DIP2C: variants seen among roughly 807,000 people sequenced by gnomAD.
The protein encoded by DIP2C is disco-interacting protein 2 homolog C.
A neutral mutation model predicts 192.4 loss-of-function variants in DIP2C; 33 were observed. The observed-to-expected ratio is 0.17, with a 90% confidence interval of 0.13 to 0.23. The LOEUF is 0.23. Ranked by LOEUF, DIP2C falls within the 10% of genes least tolerant of loss-of-function variation. DIP2C has a pLI of 1.00. For missense variants in DIP2C, 1,537 were observed against 2,110.1 expected (o/e 0.73, Z 5.32); for synonymous variants, 979 against 864.1 (o/e 1.13, Z -2.33).
intron 36 of DIP2C, among the ~76,000 whole-genome samples, chr10:280,795 CCTT>C (rs1309920495): frequency 1.3e-5 from 2 of 152,306 alleles, no homozygotes; most frequent in East Asian, 1.9e-4. Context: ...CGCTGCCTCT[CCTT>C]CTCACTGAAG....
Position 378,043 on chromosome 10 carries a change from G to A in DIP2C, c.1991+4604C>T, listed in dbSNP as rs117553704. Reference sequence around the variant, plus strand: ...GAGTCAGATGGCAGGAGATTTAGGGGATACTTGTAGCCAGGAAACAGTTTC... The same window carrying A: ...GAGTCAGATGGCAGGAGATTTAGGGAATACTTGTAGCCAGGAAACAGTTTC... On this transcript the variant is annotated intron_variant, in intron 17 of 36. Coordinates refer to ENST00000280886, the MANE Select transcript of DIP2C (RefSeq NM_014974.3). Among the ~76,000 whole-genome samples the A allele has an allele frequency of 6.0e-4, 92 of 152,204 alleles. No homozygotes were observed. The East Asian group carries it at 0.013, about 22-fold the overall frequency.
At chr10:527,472 TGTG>T (rs1847117944) in intron 1 of DIP2C, among the ~76,000 whole-genome samples, 1 of 152,342 alleles carries the variant, frequency 6.6e-6, no homozygotes, top group South Asian at 2.1e-4. Flanking sequence ...AGCAAAAAGA[TGTG>T]GTGTTTATTC....
intron 23 of DIP2C, 145 bp downstream of exon 23, chr10:357,683 G>GGGAC (rs1959150261): frequency 3.4e-6 from 2 of 590,878 alleles, no homozygotes; most frequent in Non-Finnish European, 5.9e-6. Context: ...GGGACTGTCG[G>GGGAC]GGACGGTTGC....
intron 1 of DIP2C, among the ~76,000 whole-genome samples, chr10:539,340 CAG>C (rs1312144384): frequency 6.6e-6 from 1 of 152,176 alleles, no homozygotes; most frequent in East Asian, 1.9e-4. Flanking sequence ...ACTAAGCATT[CAG>C]ACTTTATTAT....
At chr10:678,214 C>T (rs188614949) in intron 1 of DIP2C, among the ~76,000 whole-genome samples, 55 of 152,226 alleles carry the variant, frequency 3.6e-4, no homozygotes, top group Middle Eastern at 3.4e-3. Context: ...CCCAGATACA[C>T]CAGACTCAAA....
intron 1 of DIP2C, among the ~76,000 whole-genome samples, chr10:513,268 A>G (rs1026736064): frequency 6.6e-6 from 1 of 152,244 alleles, no homozygotes; most frequent in Non-Finnish European, 1.5e-5. Flanking sequence ...AAGCTACTAA[A>G]TTAATGACTT....
chr10:491,158 G>A (rs1472113904), intron 1 of DIP2C, among the ~76,000 whole-genome samples: 5 of 152,198 alleles, frequency 3.3e-5, no homozygotes, highest in African/African-American at 7.2e-5. Flanking sequence ...TGCTGTGAAC[G>A]TCAGGCTCAA....
At chr10:301,410 G>A (rs1324339902) in intron 32 of DIP2C, among the ~76,000 whole-genome samples, 1 of 152,200 alleles carries the variant, frequency 6.6e-6, no homozygotes, top group Non-Finnish European at 1.5e-5. Context: ...TCTGGGGAAG[G>A]TGGAGGGGGT....
Position 578,120 on chromosome 10 carries a change from G to A in DIP2C, c.86-91590C>T, listed in dbSNP as rs115992053. ...AAGTCCTTATTTTCCCTGTTTACTCGAAAGCTCTCTATTCTTCTTTTATCC... is the reference window on the plus strand; with the variant it reads ...AAGTCCTTATTTTCCCTGTTTACTCAAAAGCTCTCTATTCTTCTTTTATCC... On this transcript the variant is annotated intron_variant, in intron 1 of 36. Transcript: ENST00000280886. 2.4e-3 allele frequency among the ~76,000 whole-genome samples: 371 copies of A among 152,210 alleles called. 4 individuals are homozygous for A. The highest frequency in any genetic ancestry group is 8.3e-3 in the African/African-American group (345 of 41,528).
intron 4 of DIP2C, among the ~76,000 whole-genome samples, chr10:423,370 G>A (rs114431116): frequency 2.2e-3 from 337 of 152,338 alleles, no homozygotes; most frequent in African/African-American, 6.1e-3. Flanking sequence ...AACAAGGGCC[G>A]CGTTTCCTAG....
At chr10:609,105 T>A (rs1852885032) in intron 1 of DIP2C, among the ~76,000 whole-genome samples, 1 of 152,272 alleles carries the variant, frequency 6.6e-6, no homozygotes, top group South Asian at 2.1e-4. Context: ...TTGGTTTTTA[T>A]GACTCGCAGT....
rs555477932 is a variant in DIP2C, at chr10:351,378, G to T, written c.2986-1924C>A. The stretch of plus-strand genomic sequence containing the variant: ...AACGTCCACAAGACAGCCGATGAGC[G>T]CAGCGAGGTCTGTGGGGAAAGTATA... On this transcript the variant is annotated intron_variant, in intron 24 of 36. Transcript: ENST00000280886. Among the ~76,000 whole-genome samples the T allele has an allele frequency of 2.6e-5, 4 of 152,304 alleles. No individual in the cohort carries two copies. The South Asian group carries it at 8.3e-4, about 32-fold the overall frequency.
At chr10:484,821 G>C in intron 2 of DIP2C, 1 of 1,611,370 alleles carries the variant, frequency 6.2e-7, no homozygotes, top group South Asian at 1.1e-5. Flanking sequence ...CTGCGGTGCT[G>C]GCCACCCGCT....
intron 1 of DIP2C, among the ~76,000 whole-genome samples, chr10:603,852 A>C (rs1229899072): frequency 3.9e-5 from 6 of 152,162 alleles, no homozygotes; most frequent in Non-Finnish European, 4.4e-5. Context: ...GGAGTCTCCC[A>C]AATCAGAGGC....
chr10:382,073 T>C (rs1332903011), intron 17 of DIP2C, among the ~76,000 whole-genome samples: 1 of 152,196 alleles, frequency 6.6e-6, no homozygotes, highest in Non-Finnish European at 1.5e-5. Flanking sequence ...TGTGTGCGTA[T>C]CACACAGGAA....
At chr10:568,503 C>G (rs895496060) in intron 1 of DIP2C, among the ~76,000 whole-genome samples, 5 of 152,052 alleles carry the variant, frequency 3.3e-5, no homozygotes, top group Non-Finnish European at 7.4e-5. Context: ...CGCGGTGGCT[C>G]ACGCCTGTAA....
At position 286,364 on chromosome 10, in the gene DIP2C, A is replaced by G. The variant is rs755414880; in HGVS notation, c.4045-17T>C. On this transcript the variant is annotated splice_polypyrimidine_tract_variant and intron_variant, in intron 33 of 36. Transcript: ENST00000280886. The stretch of plus-strand genomic sequence containing the variant: ...TGGAAGTATCTATTTGGGAGAGGAA[A>G]AGTCTCTTGTCAATGGGAGGAATAC... 2 of 1,612,278 alleles carry G rather than the reference A, an allele frequency of 1.2e-6. No individual in the cohort carries two copies. Among genetic ancestry groups the G allele is most frequent in the African/African-American group, 2.7e-5 (2 of 74,882 alleles).
At chr10:604,003 C>G (rs1427225501) in intron 1 of DIP2C, among the ~76,000 whole-genome samples, 1 of 148,456 alleles carries the variant, frequency 6.7e-6, no homozygotes, top group Non-Finnish European at 1.5e-5. Context: ...CCCTCATCAG[C>G]CCCACAACAC....
intron 4 of DIP2C, among the ~76,000 whole-genome samples, chr10:434,204 G>A (rs78916595): frequency 0.018 from 2,685 of 152,160 alleles, 85 homozygotes; most frequent in African/African-American, 0.062. Flanking sequence ...ATACACTGTC[G>A]CTATTATGAA....
Sources: gnomAD v4.1 joint callset for allele counts (sites outside exome capture counted in the v4.1 genomes callset) on GRCh38, gnomAD v4.1.1 for gene constraint, MANE v1.5 for transcripts, NCBI Gene and HGNC (gene_info 2026-07-23, HGNC 2026-07-21) for gene names.